The following UQCRH variants were observed in gnomAD, a reference collection of about 807,000 sequenced individuals.
UQCRH encodes ubiquinol-cytochrome c reductase hinge protein.
A neutral mutation model predicts 16.3 loss-of-function variants in UQCRH; 14 were observed. The observed-to-expected ratio is 0.86, with a 90% CI of 0.57 to 1.34. UQCRH has a LOEUF of 1.34. UQCRH is among the 40% of genes most tolerant of loss of function. The pLI, the probability that UQCRH is intolerant of heterozygous loss-of-function variation, is 0.00. For synonymous variants in UQCRH, 41 were observed against 41.9 expected (o/e 0.98, Z 0.08); for missense variants, 89 against 111.9 (o/e 0.80, Z 0.92).
chr1:46,316,010 T>C (rs941830522), intron 3 of UQCRH, among the ~76,000 whole-genome samples: 4 of 152,190 alleles, frequency 2.6e-5, no homozygotes, highest in Non-Finnish European at 5.9e-5. Flanking sequence ...TGCTAAACTT[T>C]GGTAAGTCTC....
In UQCRH at chr1:46,309,097, G is replaced by T; in HGVS notation, c.55-4G>T. ...CTGACATTAATTTTGTTTTCCTTTT[G>T]TAGGAGGAAGAGGAAGAGGAGGAAT... On this transcript the variant is annotated splice_region_variant and splice_polypyrimidine_tract_variant and intron_variant, in intron 1 of 3. Transcript: ENST00000311672. 2 of 1,613,438 alleles carry T rather than the reference G, an allele frequency of 1.2e-6. No homozygotes were observed. The highest frequency in any genetic ancestry group is 1.7e-6 in the Non-Finnish European group (2 of 1,179,788).
intron 3 of UQCRH, among the ~76,000 whole-genome samples, chr1:46,314,771 A>G (rs1173569712): frequency 1.3e-5 from 2 of 152,178 alleles, no homozygotes; most frequent in South Asian, 2.1e-4. Flanking sequence ...CAAACATTGT[A>G]TTGTTCCACT....
intron 1 of UQCRH, among the ~76,000 whole-genome samples, chr1:46,306,599 C>G (rs1161734561): frequency 1.3e-5 from 2 of 151,932 alleles, no homozygotes; most frequent in East Asian, 3.9e-4. Context: ...GTCTCAATCT[C>G]TTGACCTCGT....
intron 3 of UQCRH, among the ~76,000 whole-genome samples, chr1:46,314,447 G>C (rs1468167747): frequency 6.6e-6 from 1 of 151,868 alleles, no homozygotes; most frequent in Admixed American, 6.6e-5. Context: ...GAGGCAAGTG[G>C]ATCACCTGCT....
At chr1:46,311,054 G>A (rs1425603477) in intron 3 of UQCRH, among the ~76,000 whole-genome samples, 3 of 148,884 alleles carry the variant, frequency 2.0e-5, no homozygotes, top group Admixed American at 6.7e-5. Context: ...TGGCCTGGGC[G>A]ACAGAGCGAG....
intron 3 of UQCRH, among the ~76,000 whole-genome samples, chr1:46,315,593 A>G (rs1661569410): frequency 1.3e-4 from 2 of 15,734 alleles, no homozygotes; most frequent in Non-Finnish European, 4.2e-4. Flanking sequence ...GACTGCCTCA[A>G]AAAAAAAAAA....
chr1:46,316,083 C>T (rs1042598400), intron 3 of UQCRH, among the ~76,000 whole-genome samples: 11 of 152,148 alleles, frequency 7.2e-5, no homozygotes, highest in African/African-American at 2.7e-4. Flanking sequence ...CATTTATTTT[C>T]CTCCTAGCAT....
chr1:46,304,597 G>A (rs966440492), intron 1 of UQCRH, among the ~76,000 whole-genome samples: 8 of 152,086 alleles, frequency 5.3e-5, no homozygotes, highest in African/African-American at 1.9e-4. Context: ...CTGTTGGCCA[G>A]GCTGATCTCG....
intron 3 of UQCRH, among the ~76,000 whole-genome samples, chr1:46,312,914 C>T (rs906156791): frequency 6.6e-6 from 1 of 151,976 alleles, no homozygotes; most frequent in African/African-American, 2.4e-5. Flanking sequence ...ATACCAACTG[C>T]CCACTAGGAT....
chr1:46,310,849 T>C (rs1157047725), intron 3 of UQCRH, among the ~76,000 whole-genome samples: 5 of 151,040 alleles, frequency 3.3e-5, no homozygotes, highest in South Asian at 4.2e-4. Flanking sequence ...GGGTGGATCA[T>C]GAGGTCAGGA....
chr1:46,304,539 C>G (rs1661326450), intron 1 of UQCRH, among the ~76,000 whole-genome samples: 1 of 152,064 alleles, frequency 6.6e-6, no homozygotes, highest in Non-Finnish European at 1.5e-5. Context: ...GTGTCCGCCA[C>G]CACGCCTGGC....
intron 3 of UQCRH, among the ~76,000 whole-genome samples, chr1:46,314,660 C>G (rs1159654793): frequency 7.9e-6 from 1 of 126,294 alleles, no homozygotes; most frequent in Non-Finnish European, 1.6e-5. Context: ...GCAACAAGAG[C>G]AAAACTCCGT....
chr1:46,311,261 TTTAAAAA>T (rs1395338780), intron 3 of UQCRH, among the ~76,000 whole-genome samples: 1 of 150,276 alleles, frequency 6.7e-6, no homozygotes, highest in Non-Finnish European at 1.5e-5. Flanking sequence ...CAGACTGTTC[TTTAAAAA>T]TAATTTGTAT....
Position 46,303,703 on chromosome 1 carries a change from T to A in UQCRH, c.-64T>A, listed in dbSNP as rs567032877. On this transcript the variant is annotated 5_prime_UTR_variant, in exon 1 of 4. Coordinates refer to ENST00000311672, the MANE Select transcript of UQCRH (RefSeq NM_006004.4). ...CTGAGTGACCCTTACAAGTCCTTCT[T>A]GATCCTGAACTGGGTTAGGTGCCGC... The A allele has an allele frequency of 1.4e-5, 23 of 1,612,408 alleles. No individual in the cohort carries two copies. The East Asian group carries it at 5.1e-4, about 36-fold the overall frequency.
intron 1 of UQCRH, among the ~76,000 whole-genome samples, chr1:46,307,586 C>T (rs1408120466): frequency 6.6e-6 from 1 of 152,194 alleles, no homozygotes; most frequent in Non-Finnish European, 1.5e-5. Context: ...TAAACTGTTG[C>T]TCCCATGGGC....
chr1:46,305,651 G>A (rs1228454405), intron 1 of UQCRH, among the ~76,000 whole-genome samples: 2 of 152,070 alleles, frequency 1.3e-5, no homozygotes, highest in East Asian at 3.9e-4. Context: ...CTACTCGAGA[G>A]GCTGAGGCAG....
Position 46,310,261 on chromosome 1 carries a change from C to T in UQCRH, c.188C>T (p.Thr63Ile), listed in dbSNP as rs752881436. The T allele has an allele frequency of 1.9e-6, 3 of 1,614,152 alleles. No individual in the cohort carries two copies. Among genetic ancestry groups the T allele is most frequent in the Non-Finnish European group, 2.5e-6 (3 of 1,180,044 alleles). The change falls in exon 3 of 4, where the codon ACA (threonine) becomes ATA (isoleucine). Residue 63 changes from threonine (T) to isoleucine (I), a missense_variant. Transcript: ENST00000311672. ...CDERVSSRSH[T>I]EEDCTEELFD... ...GAGCGTGTATCCTCTCGATCACATA[C>T]AGAAGAGGATTGCACGGAGGAGCTC...
At chr1:46,308,547 G>A (rs1661413736) in intron 1 of UQCRH, among the ~76,000 whole-genome samples, 1 of 152,208 alleles carries the variant, frequency 6.6e-6, no homozygotes, top group South Asian at 2.1e-4. Flanking sequence ...CTTAGATAAA[G>A]GAGGCAGGGC....
rs959481260 is a variant in UQCRH at position 46,303,815 on chromosome 1, G to C, written c.49G>C (p.Glu17Gln). The change falls in exon 1 of 4, where the codon GAG (glutamate) becomes CAG (glutamine). Residue 17 changes from glutamate (E) to glutamine (Q), a missense_variant. Glu to Gln is a conservative substitution (Grantham distance 29, BLOSUM62 2). Coordinates refer to ENST00000311672, the MANE Select transcript of UQCRH (RefSeq NM_006004.4). ...GATGCTTACCGAATCCGGAGATCCTGAGGAGGTAAGGCAAGGCGATCCACT... is the reference window on the plus strand; with the variant it reads ...GATGCTTACCGAATCCGGAGATCCTCAGGAGGTAAGGCAAGGCGATCCACT... ...QKMLTESGDP[E>Q]EEEEEEEELV... 1.2e-6 allele frequency: 2 copies of C among 1,614,190 alleles called. No homozygotes were observed. Among genetic ancestry groups the C allele is most frequent in the Non-Finnish European group, 1.7e-6 (2 of 1,180,020 alleles).
Sources: allele counts gnomAD v4.1 joint callset (sites outside exome capture counted in the v4.1 genomes callset), GRCh38; gene constraint gnomAD v4.1.1; transcripts MANE v1.5; gene names NCBI Gene and HGNC (gene_info 2026-07-23, HGNC 2026-07-21).